Variants in ZFYVE1 observed in about 807,000 individuals in gnomAD.
ZFYVE1 encodes the protein zinc finger FYVE-type containing 1.
Under a neutral mutation model 74.4 loss-of-function variants are expected in ZFYVE1, and 30 were observed. That is an observed-to-expected ratio of 0.40 (90% confidence interval 0.30 to 0.55). ZFYVE1 has a LOEUF of 0.55. Among genes scored for constraint, ZFYVE1 ranks in the 20% least tolerant of loss-of-function variants. The pLI is 0.42. For synonymous variants in ZFYVE1, 335 were observed against 385.1 expected, an observed-to-expected ratio of 0.87 and a Z score of 1.52; for missense variants, 703 against 1,011.6, an observed-to-expected ratio of 0.69 and a Z score of 4.14.
At chr14:72,980,855 C>A (rs1371328650) in intron 5 of ZFYVE1, among the ~76,000 whole-genome samples, 1 of 152,042 alleles carries the variant, frequency 6.6e-6, no homozygotes, top group Non-Finnish European at 1.5e-5. Context: ...CGTGCCCGGC[C>A]GAGAATTTAT....
Position 72,975,819 on chromosome 14 carries a change from C to A in ZFYVE1, c.1636-98G>T, listed in dbSNP as rs959742221. 1 of 1,392,134 alleles carries A rather than the reference C, an allele frequency of 7.2e-7. No homozygotes were observed. Among genetic ancestry groups the A allele is most frequent in the Non-Finnish European group, 9.9e-7 (1 of 1,012,914 alleles). 86.2% of individuals were successfully genotyped at this position (1,392,134 alleles called of 1,614,324 possible). The stretch of plus-strand genomic sequence containing the variant: ...TGAGTTGCACACTCACCGTGGCCAA[C>A]TCAGAACCACTAACTCCCTGGCAGG... On this transcript the variant is annotated intron_variant, in intron 8 of 11. Transcript: ENST00000556143. This position sits in a 1 kb window ranked among gnomAD's most constrained non-coding sequence, Gnocchi z 4.1.
chr14:72,983,099 C>T (rs965401868), intron 4 of ZFYVE1, among the ~76,000 whole-genome samples: 1 of 152,148 alleles, frequency 6.6e-6, no homozygotes, highest in Admixed American at 6.5e-5. Context: ...CCCGCCTCGG[C>T]CTCACAAAGT....
At chr14:72,990,879 T>C (rs1224357560) in intron 4 of ZFYVE1, among the ~76,000 whole-genome samples, 2 of 151,570 alleles carry the variant, frequency 1.3e-5, no homozygotes, top group Non-Finnish European at 2.9e-5. Flanking sequence ...TTTTGTATTT[T>C]TAGTAGAGAC....
intron 2 of ZFYVE1, among the ~76,000 whole-genome samples, chr14:73,023,712 A>G (rs968126081): frequency 2.0e-5 from 3 of 152,074 alleles, no homozygotes; most frequent in Non-Finnish European, 4.4e-5. Flanking sequence ...TACTAACAAC[A>G]GCTACCGTAT....
intron 2 of ZFYVE1, among the ~76,000 whole-genome samples, chr14:73,015,296 A>G (rs867725701): frequency 0.014 from 622 of 44,620 alleles, 17 homozygotes; most frequent in Admixed American, 0.024. Context: ...AAGGAAGGAA[A>G]GAAGGGAGGG....
chr14:73,010,992 T>C (rs1894080315), intron 2 of ZFYVE1, among the ~76,000 whole-genome samples: 1 of 151,886 alleles, frequency 6.6e-6, no homozygotes, highest in Non-Finnish European at 1.5e-5. Flanking sequence ...AAATTCATTT[T>C]ACAAAGGAAC....
At chr14:72,983,617 T>A (rs891431711) in intron 4 of ZFYVE1, among the ~76,000 whole-genome samples, 2 of 151,986 alleles carry the variant, frequency 1.3e-5, no homozygotes, top group African/African-American at 4.8e-5. Flanking sequence ...GACATTTGGG[T>A]TGGTTCCAAG....
intron 3 of ZFYVE1, among the ~76,000 whole-genome samples, chr14:72,994,112 C>T (rs563338279): frequency 6.0e-5 from 9 of 150,824 alleles, no homozygotes; most frequent in Non-Finnish European, 5.9e-5. Context: ...CACCTGAGGT[C>T]GGGAGTTCGA....
intron 2 of ZFYVE1, among the ~76,000 whole-genome samples, chr14:73,006,198 C>T (rs992044080): frequency 5.3e-5 from 8 of 151,424 alleles, no homozygotes; most frequent in Non-Finnish European, 7.4e-5. Context: ...GGATTGTAGG[C>T]GTGAGCCACC....
intron 4 of ZFYVE1, among the ~76,000 whole-genome samples, chr14:72,988,045 T>C (rs1479514642): frequency 6.6e-6 from 1 of 152,160 alleles, no homozygotes; most frequent in East Asian, 1.9e-4. Context: ...TTCTTCTCAT[T>C]CATCACATTT....
rs1491299630 is a variant in ZFYVE1 at position 72,992,623 on chromosome 14, C to CT, written c.1203+519_1203+520insA. On this transcript the variant is annotated intron_variant, in intron 4 of 11. Transcript: ENST00000556143. ...GGAGGTCCCATTCAGGTGCCCCCCC[C>CT]GCCCCTTGCAAGAGAGAGAGAGCTG... Among the ~76,000 whole-genome samples the CT allele has an allele frequency of 1.0e-4, 12 of 116,748 alleles. 1 individual carries two copies. Among genetic ancestry groups the CT allele is most frequent in the African/African-American group, 4.4e-4 (12 of 27,162 alleles). 76.6% of individuals were successfully genotyped at this position (116,748 alleles called of 152,430 possible). A position where few individuals can be genotyped will look rare whatever the true frequency, so the allele number is the denominator to read the frequency against.
At chr14:72,990,326 G>C (rs1893577537) in intron 4 of ZFYVE1, among the ~76,000 whole-genome samples, 2 of 151,344 alleles carry the variant, frequency 1.3e-5, no homozygotes, top group Non-Finnish European at 2.9e-5. Flanking sequence ...TCAGAGAATA[G>C]AAAATATCAG....
chr14:72,990,559 G>T (rs12893375), intron 4 of ZFYVE1, among the ~76,000 whole-genome samples: 45,562 of 151,502 alleles, frequency 0.3, 7,245 homozygotes, highest in Middle Eastern at 0.39. Flanking sequence ...ACCACGCGCA[G>T]CTAATTTCGT....
Position 72,992,481 on chromosome 14 carries a change from G to GT in ZFYVE1, c.1203+661dup, listed in dbSNP as rs571838085. On this transcript the variant is annotated intron_variant, in intron 4 of 11. Transcript: ENST00000556143. ...ACAGTACTTAACTCATGGAGTTGGT[G>GT]TAAGGATTAAGTGAACTAATCCATA... Among the ~76,000 whole-genome samples, 29 of 152,230 alleles carry GT rather than the reference G, an allele frequency of 1.9e-4. No homozygotes were observed. In the East Asian group the frequency reaches 5.0e-3, roughly 26 times the overall value.
chr14:72,974,162 A>C lies in ZFYVE1; in HGVS notation c.2019T>G (p.Gly673=), dbSNP rs1335356476. Residue 673 remains glycine (G), a synonymous_variant, in exon 11 of 12, where the codon GGT becomes GGG. Coordinates refer to ENST00000556143, the MANE Select transcript of ZFYVE1 (RefSeq NM_021260.4). The part of the protein sequence containing the change: ...AVTEAQVDDE[G]GTLIARKVGE... ...CCACCTTCCGAGCAATGAGCGTTCC[A>C]CCTTCATCGTCCACTTGTGCCTCGG... The C allele has an allele frequency of 1.9e-6, 3 of 1,614,058 alleles. No individual in the cohort carries two copies. The highest frequency in any genetic ancestry group is 1.7e-5 in the Admixed American group (1 of 60,010).
chr14:72,990,159 A>G (rs1000869965), intron 4 of ZFYVE1, among the ~76,000 whole-genome samples: 2 of 152,226 alleles, frequency 1.3e-5, no homozygotes, highest in Admixed American at 6.5e-5. Flanking sequence ...GTTTAAAACA[A>G]AAAAGTACAA....
At chr14:73,022,901 G>A (rs1219948653) in intron 2 of ZFYVE1, among the ~76,000 whole-genome samples, 2 of 151,832 alleles carry the variant, frequency 1.3e-5, no homozygotes, top group East Asian at 1.9e-4. Context: ...AGCCAATCGC[G>A]CCTGTAATCC....
In ZFYVE1 at chr14:72,974,835, C is replaced by T; in HGVS notation, c.1931G>A (p.Gly644Asp). 6.2e-7 allele frequency: 1 copy of T among 1,613,624 alleles called. No individual in the cohort carries two copies. The highest frequency in any genetic ancestry group is 8.5e-7 in the Non-Finnish European group (1 of 1,179,712). ...GTCACAGACCCGCACTGGCGCAGGG[C>T]CCCAGCCCCGCTCAGGCACTGGCCG... ...KTRPVPERGW[G>D]PAPVRVCDNC... The change falls in exon 10 of 12, where the codon GGC becomes GAC. Residue 644 changes from glycine to aspartate, a missense_variant. By Grantham distance (94) the Gly-to-Asp change is moderately conservative. This residue lies in a region of ZFYVE1 where 492 missense variants were observed against 790.0 expected (regional missense o/e 0.62). Transcript: ENST00000556143.
intron 2 of ZFYVE1, among the ~76,000 whole-genome samples, chr14:73,011,054 A>G (rs1002708513): frequency 6.6e-6 from 1 of 151,980 alleles, no homozygotes; most frequent in Non-Finnish European, 1.5e-5. Context: ...AGTTAAATGA[A>G]TTAGAATACT....
Sources: gnomAD v4.1 joint callset for allele counts (sites outside exome capture counted in the v4.1 genomes callset) on GRCh38, gnomAD v4.1.1 for gene constraint, gnomAD v4.1.1 regional missense constraint, Gnocchi (gnomAD v3.1) non-coding constraint, MANE v1.5 for transcripts, NCBI Gene and HGNC (gene_info 2026-07-23, HGNC 2026-07-21) for gene names.